Variants in NCCRP1 observed in about 807,000 individuals in gnomAD.
The protein encoded by NCCRP1 is NCCRP1, F-box associated domain containing.
Under a neutral mutation model 34.4 loss-of-function variants are expected in NCCRP1, and 32 were observed. The ratio of observed to expected loss-of-function variants is 0.93; its 90% CI spans 0.70 to 1.25. The LOEUF (loss-of-function observed/expected upper bound fraction) is 1.25. Among genes scored for constraint, NCCRP1 ranks in the 50% most tolerant of loss-of-function variants. The probability of loss-of-function intolerance (pLI) is 0.00; values close to 1 mark genes in which losing one functional copy is unlikely to be tolerated. For synonymous variants in NCCRP1, 172 were observed against 180.1 expected, an observed-to-expected ratio of 0.95 and a Z score of 0.36; for missense variants, 372 against 391.8, an observed-to-expected ratio of 0.95 and a Z score of 0.43.
Position 39,200,969 on chromosome 19 carries a change from G to A in NCCRP1, c.*213G>A, listed in dbSNP as rs141616015. On this transcript the variant is annotated 3_prime_UTR_variant, in exon 6 of 6. Transcript: ENST00000339852. This position sits in a 1 kb window ranked among gnomAD's most constrained non-coding sequence, Gnocchi z 5.8. ...GCCACTCCTTGTAAATTCAGTGCCC[G>A]ACAGATGCTCTGGCACAGATGCTTT... The A allele has an allele frequency of 2.2e-3, 1,286 of 572,358 alleles. 18 individuals are homozygous for A. The highest frequency in any genetic ancestry group is 0.021 in the African/African-American group (1,098 of 53,330). The allele number at this position is 572,358 out of a possible 1,614,324, so 35.5% of individuals were successfully genotyped here. A position where few individuals can be genotyped will look rare whatever the true frequency, so the allele number is the denominator to read the frequency against.
rs1048488341 is a variant in NCCRP1 at position 39,199,111 on chromosome 19, C to T, written c.453-59C>T. 3.9e-6 allele frequency: 6 copies of T among 1,523,722 alleles called. 1 individual carries two copies. The South Asian group carries it at 5.6e-5, about 14-fold the overall frequency. The allele number at this position is 1,523,722 out of a possible 1,614,324, so 94.4% of individuals were successfully genotyped here. ...CTAAGAAAGCACTAAGACAGGGCTTCCTGCTCCCTGGATCCTGGCAGATCG... is the reference window on the plus strand; with the variant it reads ...CTAAGAAAGCACTAAGACAGGGCTTTCTGCTCCCTGGATCCTGGCAGATCG... On this transcript the variant is annotated intron_variant, in intron 3 of 5. Coordinates refer to ENST00000339852, the MANE Select transcript of NCCRP1 (RefSeq NM_001001414.2).
In NCCRP1 at chr19:39,197,005, A is replaced by G; in HGVS notation, c.23A>G (p.His8Arg). The G allele has an allele frequency of 1.3e-6, 2 of 1,535,896 alleles. No homozygotes were observed. The highest frequency in any genetic ancestry group is 1.7e-6 in the Non-Finnish European group (2 of 1,148,196). Reference protein sequence around the residue: MEEVREGHALGGGMEADG... With the variant: MEEVREGRALGGGMEADG... The stretch of plus-strand genomic sequence containing the variant: ...GGGATGGAGGAGGTGCGTGAGGGAC[A>G]CGCGCTCGGTGGCGGGATGGAAGCC... Residue 8 changes from histidine (H) to arginine (R), a missense_variant, in exon 1 of 6, where the codon CAC becomes CGC. His to Arg is a conservative substitution (Grantham distance 29). Transcript: ENST00000339852.
At position 39,197,233 on chromosome 19, in the gene NCCRP1, TG is replaced by T; in HGVS notation, c.253del (p.Glu85SerfsTer70). ...LEEWGPLSGGLELPQRLTWKL... is the reference protein window; with the variant it reads ...LEEWGPLSGGXELPQRLTWKL... The stretch of plus-strand genomic sequence containing the variant: ...GAGTGGGGGCCGCTGAGCGGGGGCC[TG>T]GAGCTGCCCCAGCGCCTCACCTGGA... On this transcript the variant is annotated frameshift_variant, in exon 1 of 6. Coordinates refer to ENST00000339852, the MANE Select transcript of NCCRP1 (RefSeq NM_001001414.2). LOFTEE classifies it high-confidence loss of function. 6.8e-7 allele frequency: 1 copy of T among 1,473,612 alleles called. No homozygotes were observed. Among genetic ancestry groups the T allele is most frequent in the Non-Finnish European group, 8.9e-7 (1 of 1,122,824 alleles). 91.3% of individuals were successfully genotyped at this position (1,473,612 alleles called of 1,614,324 possible).
chr19:39,197,602 G>A (rs575780560), intron 1 of NCCRP1, among the ~76,000 whole-genome samples: 2 of 151,816 alleles, frequency 1.3e-5, no homozygotes, highest in East Asian at 1.9e-4. Flanking sequence ...CTCTTGAGAC[G>A]GAGTCTTGCT....
rs1008269089 is a variant in NCCRP1 at position 39,197,948 on chromosome 19, G to A, written c.338-105G>A. 5.9e-6 allele frequency: 8 copies of A among 1,357,558 alleles called. No homozygotes were observed. The African/African-American group carries it at 8.6e-5, about 15-fold the overall frequency. 84.1% of individuals were successfully genotyped at this position (1,357,558 alleles called of 1,614,324 possible). On this transcript the variant is annotated intron_variant, in intron 1 of 5. Transcript: ENST00000339852. ...ATCCCTGCCGGGCTTCCCTGACCTGGCACAGATTCCTGCCCTTCCAGTGTA... is the reference window on the plus strand; with the variant it reads ...ATCCCTGCCGGGCTTCCCTGACCTGACACAGATTCCTGCCCTTCCAGTGTA...
Position 39,200,280 on chromosome 19 carries a change from G to A in NCCRP1, c.549-66G>A. On this transcript the variant is annotated intron_variant, in intron 4 of 5. Transcript: ENST00000339852. The surrounding 1 kb of genome is among the most constrained non-coding windows in gnomAD (Gnocchi z 5.8). Reference sequence around the variant, plus strand: ...AGCATGTGTGTTGAATGGGGAATGGGGCCAGGGGCTGGGGCTGGGTAGCTG... The same window carrying A: ...AGCATGTGTGTTGAATGGGGAATGGAGCCAGGGGCTGGGGCTGGGTAGCTG... The A allele has an allele frequency of 6.3e-7, 1 of 1,589,136 alleles. No homozygotes were observed. Among genetic ancestry groups the A allele is most frequent in the Non-Finnish European group, 8.6e-7 (1 of 1,166,604 alleles).
In NCCRP1 at chr19:39,197,310, A is replaced by C; in HGVS notation, c.328A>C (p.Asn110His). ...CTACCGCAACCTGCTGCGCTCGCCCAACCCCGAAGGTGCGCAAGGGCCCAG... is the reference window on the plus strand; with the variant it reads ...CTACCGCAACCTGCTGCGCTCGCCCCACCCCGAAGGTGCGCAAGGGCCCAG... The part of the protein sequence containing the change: ...PLYRNLLRSP[N>H]PEGINIYEPA... The change falls in exon 1 of 6, where the codon AAC becomes CAC. Residue 110 changes from asparagine (N) to histidine (H), a missense_variant. Transcript: ENST00000339852. The C allele has an allele frequency of 6.8e-7, 1 of 1,467,342 alleles. No individual in the cohort carries two copies. Among genetic ancestry groups the C allele is most frequent in the Non-Finnish European group, 8.9e-7 (1 of 1,120,868 alleles). 90.9% of individuals were successfully genotyped at this position (1,467,342 alleles called of 1,614,324 possible).
chr19:39,197,962 C>T, intron 1 of NCCRP1, 91 bp from the exon 2 acceptor site: 1 of 1,453,102 alleles, frequency 6.9e-7, no homozygotes. Context: ...AGATTCCTGC[C>T]CTTCCAGTGT....
Position 39,200,572 on chromosome 19 carries a change from C to T in NCCRP1, c.688-44C>T, listed in dbSNP as rs1647440142. On this transcript the variant is annotated intron_variant, in intron 5 of 5. Coordinates refer to ENST00000339852, the MANE Select transcript of NCCRP1 (RefSeq NM_001001414.2). The surrounding 1 kb of genome is among the most constrained non-coding windows in gnomAD (Gnocchi z 5.8). ...GAGGGAGGAGAACAGGTCCGCGGGT[C>T]CTCAAAAAGGGCTCCTCCCTAACCC... The T allele has an allele frequency of 7.4e-6, 12 of 1,611,610 alleles. No individual in the cohort carries two copies. Among genetic ancestry groups the T allele is most frequent in the Non-Finnish European group, 1.0e-5 (12 of 1,178,910 alleles).
Position 39,199,328 on chromosome 19 carries a change from C to G in NCCRP1, c.548+63C>G. ...GCGCAGGGCTGCCCAGAGCATGAGC[C>G]TTACTCTGAGCTCCCCTTGCTTTCA... On this transcript the variant is annotated intron_variant, in intron 4 of 5. Transcript: ENST00000339852. 8.8e-6 allele frequency: 13 copies of G among 1,473,672 alleles called. No homozygotes were observed. In the South Asian group the frequency reaches 1.4e-4, roughly 16 times the overall value. 91.3% of individuals were successfully genotyped at this position (1,473,672 alleles called of 1,614,324 possible). A position where few individuals can be genotyped will look rare whatever the true frequency, so the allele number is the denominator to read the frequency against.
rs749566718 is a variant in NCCRP1, at chr19:39,200,442, C to T, written c.645C>T (p.Ala215=). The change falls in exon 5 of 6, where the codon GCC becomes GCT. Residue 215 remains alanine (A), a synonymous_variant. Transcript: ENST00000339852. The surrounding 1 kb of genome is among the most constrained non-coding windows in gnomAD (Gnocchi z 5.8). ...CGGTCATTGCTCAGCACCACGTGGC[C>T]CCCCGAACTTCTGGGAGAGGACCCC... ...RRTVIAQHHV[A]PRTSGRGPPG... The T allele has an allele frequency of 1.9e-6, 3 of 1,613,534 alleles. No homozygotes were observed. Among genetic ancestry groups the T allele is most frequent in the South Asian group, 2.2e-5 (2 of 91,084 alleles).
At chr19:39,198,532 T>C (rs1027359995) in intron 3 of NCCRP1, among the ~76,000 whole-genome samples, 12 of 152,202 alleles carry the variant, frequency 7.9e-5, no homozygotes, top group African/African-American at 2.9e-4. Context: ...CAATCTCAGC[T>C]CACTGCAACC....
In NCCRP1 at chr19:39,200,028, T is replaced by A. The variant is rs971206091; in HGVS notation, c.549-318T>A. 6.6e-6 allele frequency among the ~76,000 whole-genome samples: 1 copy of A among 151,500 alleles called. No individual in the cohort carries two copies. The highest frequency in any genetic ancestry group is 2.4e-5 in the African/African-American group (1 of 41,188). ...TCCGACCCCAACCCCTCTGCCTGTG[T>A]CCCCAGTTCTGTCCCCAACTCCTCT... is the stretch of plus-strand genomic sequence containing the variant. On this transcript the variant is annotated intron_variant, in intron 4 of 5. Coordinates refer to ENST00000339852, the MANE Select transcript of NCCRP1 (RefSeq NM_001001414.2). This position sits in a 1 kb window ranked among gnomAD's most constrained non-coding sequence, Gnocchi z 5.8.
intron 3 of NCCRP1, among the ~76,000 whole-genome samples, chr19:39,198,941 T>C (rs1568542113): frequency 6.6e-6 from 1 of 152,150 alleles, no homozygotes. Flanking sequence ...GTTTGCTGCT[T>C]GACCTTGGAC....
Position 39,201,736 on chromosome 19 carries a change from G to C in NCCRP1, c.*980G>C, listed in dbSNP as rs898396416. The C allele has an allele frequency of 1.3e-5, 2 of 152,240 alleles. No homozygotes were observed. The highest frequency in any genetic ancestry group is 4.8e-5 in the African/African-American group (2 of 41,454). 9.4% of individuals were successfully genotyped at this position (152,240 alleles called of 1,614,324 possible). A position where few individuals can be genotyped will look rare whatever the true frequency, so the allele number is the denominator to read the frequency against. ...TTGTGTATCTCCTCCAGCTACCGCA[G>C]AGCCCACAAACCCAGGCATCTATCA... On this transcript the variant is annotated 3_prime_UTR_variant, in exon 6 of 6. Coordinates refer to ENST00000339852, the MANE Select transcript of NCCRP1 (RefSeq NM_001001414.2).
chr19:39,197,304 TCGC>T lies in NCCRP1; in HGVS notation c.324_326del (p.Pro109del). The T allele has an allele frequency of 1.4e-6, 2 of 1,476,876 alleles. No individual in the cohort carries two copies. Among genetic ancestry groups the T allele is most frequent in the Non-Finnish European group, 1.8e-6 (2 of 1,124,700 alleles). 91.5% of individuals were successfully genotyped at this position (1,476,876 alleles called of 1,614,324 possible). Reference sequence around the variant, plus strand: ...GCCGCTCTACCGCAACCTGCTGCGCTCGCCCAACCCCGAAGGTGCGCAAGGGCC... The same window carrying T: ...GCCGCTCTACCGCAACCTGCTGCGCTCCAACCCCGAAGGTGCGCAAGGGCC... On this transcript the variant is annotated inframe_deletion, in exon 1 of 6. Coordinates refer to ENST00000339852, the MANE Select transcript of NCCRP1 (RefSeq NM_001001414.2).
rs1432920235 is a variant in NCCRP1, at chr19:39,200,513, C to T, written c.687+29C>T. The T allele has an allele frequency of 1.2e-6, 2 of 1,611,228 alleles. No homozygotes were observed. Among genetic ancestry groups the T allele is most frequent in the South Asian group, 1.1e-5 (1 of 90,712 alleles). The stretch of plus-strand genomic sequence containing the variant: ...AGACTCTCCGCGCCGGGGCCCTCAA[C>T]CCCAGACGTGTGTTCTTGTCCCAAG... On this transcript the variant is annotated intron_variant, in intron 5 of 5. Coordinates refer to ENST00000339852, the MANE Select transcript of NCCRP1 (RefSeq NM_001001414.2). This position sits in a 1 kb window ranked among gnomAD's most constrained non-coding sequence, Gnocchi z 5.8.
Position 39,200,986 on chromosome 19 carries a change from A to G in NCCRP1, c.*230A>G. The G allele has an allele frequency of 1.9e-6, 1 of 540,010 alleles. No homozygotes were observed. 33.5% of individuals were successfully genotyped at this position (540,010 alleles called of 1,614,324 possible). A position where few individuals can be genotyped will look rare whatever the true frequency, so the allele number is the denominator to read the frequency against. On this transcript the variant is annotated 3_prime_UTR_variant, in exon 6 of 6. Coordinates refer to ENST00000339852, the MANE Select transcript of NCCRP1 (RefSeq NM_001001414.2). This position sits in a 1 kb window ranked among gnomAD's most constrained non-coding sequence, Gnocchi z 5.8. ...CAGTGCCCGACAGATGCTCTGGCAC[A>G]GATGCTTTGTAGATCTCTGTTGAGA... is the stretch of plus-strand genomic sequence containing the variant.
At position 39,200,314 on chromosome 19, in the gene NCCRP1, G is replaced by A. The variant is rs1370401157; in HGVS notation, c.549-32G>A. ...CTGGGGCTGGGTAGCTGAGACTGCA[G>A]TGACAGCTGAAGGCCTTGACTCCGC... On this transcript the variant is annotated intron_variant, in intron 4 of 5. Transcript: ENST00000339852. This position sits in a 1 kb window ranked among gnomAD's most constrained non-coding sequence, Gnocchi z 5.8. 1 of 1,609,640 alleles carries A rather than the reference G, an allele frequency of 6.2e-7. No homozygotes were observed. Among genetic ancestry groups the A allele is most frequent in the South Asian group, 1.1e-5 (1 of 90,770 alleles).
Sources: gnomAD v4.1 joint callset for allele counts (sites outside exome capture counted in the v4.1 genomes callset) on GRCh38, gnomAD v4.1.1 for gene constraint, Gnocchi (gnomAD v3.1) non-coding constraint, MANE v1.5 for transcripts, NCBI Gene and HGNC (gene_info 2026-07-23, HGNC 2026-07-21) for gene names.